Variants in WDR27 observed in about 807,000 individuals in gnomAD.
The protein encoded by WDR27 is WD repeat domain 27, also known as WD repeat-containing protein 27.
WDR27 carries 100 observed loss-of-function variants against 114.4 expected under a neutral mutation model. That is an observed-to-expected ratio of 0.87 (90% CI 0.74 to 1.03). The LOEUF is 1.03. Among genes scored for constraint, WDR27 ranks in the 50% least tolerant of loss-of-function variants. WDR27 has a pLI of 0.00. For missense variants in WDR27, 1,129 were observed against 1,092.9 expected (o/e 1.03, Z -0.47); for synonymous variants, 449 against 423.1 (o/e 1.06, Z -0.75).
At chr6:169,580,835 G>A (rs988948643) in intron 24 of WDR27, among the ~76,000 whole-genome samples, 25 of 150,796 alleles carry the variant, frequency 1.7e-4, no homozygotes, top group Non-Finnish European at 3.1e-4. Flanking sequence ...GGAAGAAAGT[G>A]GACTAATATC....
rs1817162800 is a variant in WDR27 at position 169,634,370 on chromosome 6, T to TG, written c.2101+57dup. 6.6e-5 allele frequency: 87 copies of TG among 1,321,104 alleles called. 1 individual carries two copies. In the South Asian group the frequency reaches 1.0e-3, roughly 16 times the overall value. The allele number at this position is 1,321,104 out of a possible 1,614,324, so 81.8% of individuals were successfully genotyped here. ...TCACGAGATGCTCAGCACATGCCTC[T>TG]GCCAGAGGAACAACACTCAGGGCGT... On this transcript the variant is annotated intron_variant, in intron 20 of 25. Coordinates refer to ENST00000448612, the MANE Select transcript of WDR27 (RefSeq NM_182552.5).
At chr6:169,691,651 C>T (rs1448746032) in intron 1 of WDR27, among the ~76,000 whole-genome samples, 5 of 152,310 alleles carry the variant, frequency 3.3e-5, no homozygotes, top group African/African-American at 7.2e-5. Flanking sequence ...TCAACATAAA[C>T]TTTTGTTGTA....
chr6:169,537,086 T>C (rs1385759696), intron 25 of WDR27, among the ~76,000 whole-genome samples: 1 of 152,144 alleles, frequency 6.6e-6, no homozygotes, highest in Non-Finnish European at 1.5e-5. Flanking sequence ...CCTATTATCC[T>C]CATATAACAG....
rs1436206318 is a variant in WDR27 at position 169,684,483 on chromosome 6, C to T, written c.189+4334G>A. Among the ~76,000 whole-genome samples the T allele has an allele frequency of 3.3e-5, 5 of 152,158 alleles. No individual in the cohort carries two copies. The highest frequency in any genetic ancestry group is 1.2e-4 in the African/African-American group (5 of 41,434). On this transcript the variant is annotated intron_variant, in intron 2 of 25. Coordinates refer to ENST00000448612, the MANE Select transcript of WDR27 (RefSeq NM_182552.5). The surrounding 1 kb of genome is among the most constrained non-coding windows in gnomAD (Gnocchi z 4.3). ...AACAGCTATGTGCCCATGTCTCAGA[C>T]TCAAGAAAAAGACCCATGGGTTGCC...
chr6:169,656,453 ATTG>A (rs1045702074), intron 13 of WDR27, among the ~76,000 whole-genome samples: 8 of 151,826 alleles, frequency 5.3e-5, no homozygotes, highest in Admixed American at 2.0e-4. Context: ...GCTGCTGTCA[ATTG>A]TTAAGGATGA....
chr6:169,464,020 G>T (rs1478624036), intron 25 of WDR27, among the ~76,000 whole-genome samples: 1 of 152,138 alleles, frequency 6.6e-6, no homozygotes, highest in African/African-American at 2.4e-5. Context: ...ATTTTTTACA[G>T]AAGTAGAACA....
chr6:169,688,786 C>T, intron 2 of WDR27, 31 bp downstream of exon 2: 2 of 1,544,570 alleles, frequency 1.3e-6, no homozygotes, highest in Non-Finnish European at 1.7e-6. Context: ...GCAAGGCCTT[C>T]ATGACACTGG....
intron 23 of WDR27, among the ~76,000 whole-genome samples, chr6:169,592,540 T>C (rs1402259317): frequency 1.3e-5 from 2 of 151,998 alleles, no homozygotes; most frequent in Non-Finnish European, 2.9e-5. Context: ...TTAGTTTAAA[T>C]ACTACTACTA....
At chr6:169,463,862 A>G (rs1785211162) in intron 25 of WDR27, among the ~76,000 whole-genome samples, 1 of 152,174 alleles carries the variant, frequency 6.6e-6, no homozygotes, top group Non-Finnish European at 1.5e-5. Context: ...GTACAATGAA[A>G]ACTACAAAAC....
At chr6:169,625,518 G>A (rs759870396) in intron 21 of WDR27, among the ~76,000 whole-genome samples, 8 of 152,208 alleles carry the variant, frequency 5.3e-5, no homozygotes, top group African/African-American at 1.2e-4. Flanking sequence ...TGCAGCTGGC[G>A]GACGCTCAGC....
intron 25 of WDR27, among the ~76,000 whole-genome samples, chr6:169,523,074 C>G (rs1411968181): frequency 6.6e-6 from 1 of 151,798 alleles, no homozygotes; most frequent in Non-Finnish European, 1.5e-5. Context: ...GAGAGAGAAT[C>G]CAAATAAACA....
intron 25 of WDR27, among the ~76,000 whole-genome samples, chr6:169,487,402 G>A (rs146302150): frequency 2.1e-4 from 32 of 152,254 alleles, no homozygotes; most frequent in Non-Finnish European, 3.4e-4. Context: ...GGAGAAGGCC[G>A]TTTGCAAAGA....
chr6:169,476,397 A>C (rs754432468), intron 25 of WDR27, among the ~76,000 whole-genome samples: 1 of 152,226 alleles, frequency 6.6e-6, no homozygotes, highest in Non-Finnish European at 1.5e-5. Flanking sequence ...AAACCATCAC[A>C]GCTGTAAATC....
At position 169,458,692 on chromosome 6, in the gene WDR27, C is replaced by A. The variant is rs113692959; in HGVS notation, c.2646-1058G>T. On this transcript the variant is annotated intron_variant, in intron 25 of 25. Transcript: ENST00000448612. ...ATCCCAGCTGCTCAGGAGGCTGAGG[C>A]ATGAGACTTTCTTGAACCCAGGAGG... Among the ~76,000 whole-genome samples the A allele has an allele frequency of 6.2e-3, 944 of 151,616 alleles. 13 individuals are homozygous for A. The highest frequency in any genetic ancestry group is 0.022 in the African/African-American group (911 of 41,322).
At chr6:169,494,427 T>C (rs1418750586) in intron 25 of WDR27, among the ~76,000 whole-genome samples, 1 of 152,132 alleles carries the variant, frequency 6.6e-6, no homozygotes, top group Non-Finnish European at 1.5e-5. Flanking sequence ...TCCACACCAC[T>C]ATAAGACTGG....
chr6:169,531,354 A>G (rs1331832815), intron 25 of WDR27, among the ~76,000 whole-genome samples: 1 of 152,332 alleles, frequency 6.6e-6, no homozygotes, highest in Middle Eastern at 3.4e-3. Flanking sequence ...TTCAAAACCA[A>G]AGACAATTAT....
At position 169,667,964 on chromosome 6, in the gene WDR27, C is replaced by T. The variant is rs1478196496; in HGVS notation, c.660+18G>A. On this transcript the variant is annotated intron_variant, in intron 5 of 25. Transcript: ENST00000448612. ...AGCACGTGCCACGCGGGAACGCCATCCAGCGTCCATCCCTCACCTTAAAGC... is the reference window on the plus strand; with the variant it reads ...AGCACGTGCCACGCGGGAACGCCATTCAGCGTCCATCCCTCACCTTAAAGC... The T allele has an allele frequency of 6.2e-7, 1 of 1,604,448 alleles. No homozygotes were observed. The highest frequency in any genetic ancestry group is 8.5e-7 in the Non-Finnish European group (1 of 1,175,238).
intron 23 of WDR27, among the ~76,000 whole-genome samples, chr6:169,593,863 A>G (rs1233578105): frequency 1.0e-5 from 1 of 98,998 alleles, no homozygotes; most frequent in Non-Finnish European, 2.7e-5. Context: ...AAACAAACAA[A>G]CAAACAAACA....
intron 24 of WDR27, among the ~76,000 whole-genome samples, chr6:169,573,872 G>C (rs912820863): frequency 6.6e-6 from 1 of 152,194 alleles, no homozygotes; most frequent in African/African-American, 2.4e-5. Context: ...TTCGTCTTTT[G>C]CATCTGTGGT....
Sources: allele counts gnomAD v4.1 joint callset (sites outside exome capture counted in the v4.1 genomes callset), GRCh38; gene constraint gnomAD v4.1.1; non-coding constraint Gnocchi (gnomAD v3.1); transcripts MANE v1.5; gene names NCBI Gene and HGNC (gene_info 2026-07-23, HGNC 2026-07-21).